Variants in ARPP21 observed in about 807,000 individuals in gnomAD.
ARPP21 encodes cAMP-regulated phosphoprotein 21.
In ARPP21, 69 loss-of-function variants were observed where a neutral mutation model predicts 113.2. That is an observed-to-expected ratio of 0.61 (90% CI 0.50 to 0.74). ARPP21 has a LOEUF of 0.74. ARPP21 is among the 30% of genes least tolerant of loss of function. The probability of loss-of-function intolerance (pLI) is 0.00; values close to 1 mark genes in which losing one functional copy is unlikely to be tolerated. For synonymous variants in ARPP21, 368 were observed against 375.5 expected (o/e 0.98, Z 0.23); for missense variants, 1,070 against 1,037.4 (o/e 1.03, Z -0.43).
At chr3:35,740,029 A>G (rs1421206142) in intron 18 of ARPP21, among the ~76,000 whole-genome samples, 3 of 152,208 alleles carry the variant, frequency 2.0e-5, no homozygotes, top group African/African-American at 7.2e-5. Context: ...CTGCTGCTCC[A>G]GGCAGGAGCT....
At chr3:35,708,590 C>T (rs890565955) in intron 10 of ARPP21, among the ~76,000 whole-genome samples, 7 of 152,220 alleles carry the variant, frequency 4.6e-5, no homozygotes, top group African/African-American at 1.7e-4. Context: ...TCTTTTTTCA[C>T]CGGCATTCTG....
intron 14 of ARPP21, among the ~76,000 whole-genome samples, chr3:35,729,061 A>T (rs908033328): frequency 3.9e-5 from 6 of 152,166 alleles, no homozygotes; most frequent in Admixed American, 3.3e-4. Context: ...AAAGGCTGAG[A>T]GAAAGTTCTC....
chr3:35,719,273 T>C (rs922804169), intron 13 of ARPP21, among the ~76,000 whole-genome samples: 1 of 152,218 alleles, frequency 6.6e-6, no homozygotes, highest in African/African-American at 2.4e-5. Flanking sequence ...TTTTAATGTA[T>C]AAATACCTAG....
At chr3:35,730,930 G>A (rs1161353677) in intron 15 of ARPP21, among the ~76,000 whole-genome samples, 1 of 152,292 alleles carries the variant, frequency 6.6e-6, no homozygotes, top group East Asian at 1.9e-4. Flanking sequence ...CTTCAGATTA[G>A]ATATTTCTAA....
intron 5 of ARPP21, chr3:35,684,939 A>G (rs2080107041): frequency 2.0e-6 from 2 of 984,796 alleles, no homozygotes; most frequent in East Asian, 1.1e-4. Context: ...GCTTTCCTTC[A>G]GCATTTTATT....
chr3:35,717,225 C>T (rs897470649), intron 12 of ARPP21, 73 bp from the exon 13 acceptor site: 4 of 830,664 alleles, frequency 4.8e-6, no homozygotes, highest in Admixed American at 1.8e-5. Context: ...TAGTAGAGTA[C>T]ACATCCATGT....
At chr3:35,732,854 G>A (rs758316235) in intron 15 of ARPP21, among the ~76,000 whole-genome samples, 16 of 152,060 alleles carry the variant, frequency 1.1e-4, no homozygotes, top group Non-Finnish European at 1.9e-4. Context: ...AGGACTTCTA[G>A]CATCTATTAA....
At chr3:35,747,540 T>A (rs2095144410) in intron 19 of ARPP21, among the ~76,000 whole-genome samples, 1 of 152,156 alleles carries the variant, frequency 6.6e-6, no homozygotes, top group Non-Finnish European at 1.5e-5. Flanking sequence ...ATCAGGTACC[T>A]CCAATAGTGG....
intron 19 of ARPP21, among the ~76,000 whole-genome samples, chr3:35,783,435 C>A (rs948116911): frequency 1.3e-5 from 2 of 151,338 alleles, no homozygotes; most frequent in African/African-American, 4.9e-5. Context: ...TTTTTAATTT[C>A]TTTCACCCCC....
intron 1 of ARPP21, among the ~76,000 whole-genome samples, chr3:35,669,008 G>T (rs961748913): frequency 6.6e-6 from 1 of 151,972 alleles, no homozygotes; most frequent in Non-Finnish European, 1.5e-5. Flanking sequence ...GACCCCTTTT[G>T]TTTTCACAGT....
intron 11 of ARPP21, among the ~76,000 whole-genome samples, chr3:35,712,249 T>C (rs778906549): frequency 6.6e-6 from 1 of 152,190 alleles, no homozygotes; most frequent in Non-Finnish European, 1.5e-5. Context: ...AACTCTAATC[T>C]TTTTCATAGC....
intron 1 of ARPP21, among the ~76,000 whole-genome samples, chr3:35,661,277 G>C (rs1159567876): frequency 2.6e-5 from 4 of 152,118 alleles, no homozygotes; most frequent in Non-Finnish European, 5.9e-5. Context: ...CATTGTCATA[G>C]TATGAAAATC....
chr3:35,759,770 G>A (rs961427107), intron 19 of ARPP21, among the ~76,000 whole-genome samples: 5 of 150,540 alleles, frequency 3.3e-5, no homozygotes, highest in African/African-American at 9.8e-5. Context: ...CATAATTAAA[G>A]CATTGGCAGA....
intron 4 of ARPP21, among the ~76,000 whole-genome samples, chr3:35,683,413 T>A (rs2079561518): frequency 6.6e-6 from 1 of 151,790 alleles, no homozygotes; most frequent in Non-Finnish European, 1.5e-5. Flanking sequence ...ATTTTATCAC[T>A]TTTTCCTCCT....
At chr3:35,785,465 A>T (rs888741960) in intron 19 of ARPP21, among the ~76,000 whole-genome samples, 2 of 152,104 alleles carry the variant, frequency 1.3e-5, no homozygotes, top group African/African-American at 4.8e-5. Context: ...TGCATGATCC[A>T]TTCCTCTAGT....
intron 19 of ARPP21, among the ~76,000 whole-genome samples, chr3:35,772,627 T>C (rs1217545377): frequency 9.2e-5 from 14 of 152,210 alleles, no homozygotes; most frequent in Admixed American, 9.2e-4. Context: ...CTCTACCACA[T>C]TTCCATTATG....
At chr3:35,671,021 G>C (rs181989404) in intron 1 of ARPP21, among the ~76,000 whole-genome samples, 1 of 152,216 alleles carries the variant, frequency 6.6e-6, no homozygotes, top group East Asian at 1.9e-4. Context: ...TAAAGGCTTT[G>C]AGACACTCTT....
At chr3:35,737,101 GTATC>G in intron 15 of ARPP21, 73 bp from the exon 16 acceptor site, 1 of 837,468 alleles carries the variant, frequency 1.2e-6, no homozygotes, top group Admixed American at 2.1e-5. Flanking sequence ...TACTTTTTGA[GTATC>G]TAACAGAGTG....
At chr3:35,747,758 T>C (rs1157327784) in intron 19 of ARPP21, among the ~76,000 whole-genome samples, 2 of 151,898 alleles carry the variant, frequency 1.3e-5, no homozygotes, top group African/African-American at 4.8e-5. Context: ...ATTTAATCAA[T>C]AGTATAGTGT....
Sources: gnomAD v4.1 joint callset for allele counts (sites outside exome capture counted in the v4.1 genomes callset) on GRCh38, gnomAD v4.1.1 for gene constraint, MANE v1.5 for transcripts, NCBI Gene and HGNC (gene_info 2026-07-23, HGNC 2026-07-21) for gene names.